SHISA9: variants seen among roughly 807,000 people sequenced by gnomAD.
The protein encoded by SHISA9 is protein shisa-9.
Under a neutral mutation model 38.0 loss-of-function variants are expected in SHISA9, and 13 were observed. That is an observed-to-expected ratio of 0.34 (90% CI 0.22 to 0.54). The LOEUF (loss-of-function observed/expected upper bound fraction) is 0.54, where lower values mean the gene tolerates loss of function less well. Ranked by LOEUF, SHISA9 falls within the 20% of genes least tolerant of loss-of-function variation. The pLI, the probability that SHISA9 is intolerant of heterozygous loss-of-function variation, is 0.91. For missense variants in SHISA9, 538 were observed against 575.8 expected (o/e 0.93, Z 0.67); for synonymous variants, 275 against 242.0 (o/e 1.14, Z -1.27).
chr16:13,400,215 C>G, the SHISA9 span, among the ~76,000 whole-genome samples: 1 of 152,108 alleles, frequency 6.6e-6, no homozygotes, highest in African/African-American at 2.4e-5. Context: ...TCTTGCCTCT[C>G]CGGTAGAACC....
At chr16:13,304,374 C>A in the SHISA9 span, among the ~76,000 whole-genome samples, 1 of 152,226 alleles carries the variant, frequency 6.6e-6, no homozygotes, top group Non-Finnish European at 1.5e-5. Flanking sequence ...AACCTCCCAC[C>A]TCAGCCTCCC....
At chr16:13,267,554 G>A in the SHISA9 span, among the ~76,000 whole-genome samples, 33,313 of 152,086 alleles carry the variant, frequency 0.22, 3,715 homozygotes, top group Middle Eastern at 0.25. Context: ...GACAGCAATC[G>A]TAAATGCAGC....
At chr16:13,550,099 G>C in the SHISA9 span, among the ~76,000 whole-genome samples, 1 of 152,000 alleles carries the variant, frequency 6.6e-6, no homozygotes, top group Non-Finnish European at 1.5e-5. Flanking sequence ...GGAAGATCTA[G>C]AATATTTCAG....
the SHISA9 span, among the ~76,000 whole-genome samples, chr16:13,359,575 G>A: frequency 3.9e-5 from 6 of 152,170 alleles, no homozygotes; most frequent in African/African-American, 1.4e-4. Flanking sequence ...AGTTGTGTAA[G>A]TTTAGAATTC....
chr16:13,287,908 G>T, the SHISA9 span, among the ~76,000 whole-genome samples: 1 of 152,094 alleles, frequency 6.6e-6, no homozygotes, highest in African/African-American at 2.4e-5. Flanking sequence ...TAAGGGAGAA[G>T]GATGCATTCT....
At chr16:13,317,381 A>T in the SHISA9 span, among the ~76,000 whole-genome samples, 1 of 152,264 alleles carries the variant, frequency 6.6e-6, no homozygotes, top group African/African-American at 2.4e-5. Flanking sequence ...GTGTAAACTC[A>T]GCAGGGAGTT....
At chr16:13,093,371 T>A (rs888777716) in intron 2 of SHISA9, among the ~76,000 whole-genome samples, 2 of 152,210 alleles carry the variant, frequency 1.3e-5, no homozygotes, top group African/African-American at 4.8e-5. Flanking sequence ...AGTTTGTTCA[T>A]CTATAAAGTG....
chr16:13,204,134 T>TTTATC (rs369950993), intron 3 of SHISA9, among the ~76,000 whole-genome samples: 77 of 149,342 alleles, frequency 5.2e-4, no homozygotes, highest in Non-Finnish European at 7.7e-4. Context: ...TAACTACCTA[T>TTTATC]TATCTATCTA....
chr16:13,013,016 C>T (rs1181566144), intron 2 of SHISA9, among the ~76,000 whole-genome samples: 1 of 152,176 alleles, frequency 6.6e-6, no homozygotes, highest in Non-Finnish European at 1.5e-5. Flanking sequence ...GGACCTGCCT[C>T]TCCTGCTGCC....
At chr16:13,474,368 T>C in the SHISA9 span, 1 of 152,328 alleles carries the variant, frequency 6.6e-6, no homozygotes, top group South Asian at 2.1e-4. Flanking sequence ...TAATGCAAAG[T>C]AATATACGAT....
At chr16:13,309,051 G>A in the SHISA9 span, among the ~76,000 whole-genome samples, 1 of 152,122 alleles carries the variant, frequency 6.6e-6, no homozygotes, top group Non-Finnish European at 1.5e-5. Flanking sequence ...TTTTTTTCCA[G>A]TATAGGAAGA....
At chr16:13,501,688 A>G in the SHISA9 span, among the ~76,000 whole-genome samples, 5 of 152,224 alleles carry the variant, frequency 3.3e-5, no homozygotes, top group Non-Finnish European at 5.9e-5. Context: ...TGCCCGGCAC[A>G]TAAAAGAGGC....
chr16:13,485,199 AC>A, the SHISA9 span, among the ~76,000 whole-genome samples: 1 of 147,962 alleles, frequency 6.8e-6, no homozygotes, highest in Non-Finnish European at 1.5e-5. Flanking sequence ...CTTGCCCCGC[AC>A]CCCCCGACAG....
chr16:13,006,572 A>G (rs180752294), intron 2 of SHISA9, among the ~76,000 whole-genome samples: 4 of 152,316 alleles, frequency 2.6e-5, no homozygotes, highest in East Asian at 3.9e-4. Context: ...TCATTATTGT[A>G]TTGCCAGAAT....
At chr16:13,020,933 T>TCCCGG (rs2072844950) in intron 2 of SHISA9, among the ~76,000 whole-genome samples, 1 of 152,236 alleles carries the variant, frequency 6.6e-6, no homozygotes, top group South Asian at 2.1e-4. Flanking sequence ...TGTGACCACA[T>TCCCGG]AATATCTCCC....
At chr16:12,908,261 T>C (rs2071130521) in intron 1 of SHISA9, among the ~76,000 whole-genome samples, 1 of 152,206 alleles carries the variant, frequency 6.6e-6, no homozygotes, top group Admixed American at 6.5e-5. Flanking sequence ...CTGTGTGACA[T>C]TGACCAAGTC....
At chr16:13,436,441 C>T in the SHISA9 span, among the ~76,000 whole-genome samples, 1 of 152,162 alleles carries the variant, frequency 6.6e-6, no homozygotes, top group Non-Finnish European at 1.5e-5. Context: ...AAGAGGAACC[C>T]TCAATTCCAG....
At chr16:13,217,660 G>A (rs978274895) in intron 4 of SHISA9, among the ~76,000 whole-genome samples, 1 of 152,312 alleles carries the variant, frequency 6.6e-6, no homozygotes, top group East Asian at 1.9e-4. Context: ...AAAGAGGCCA[G>A]TACTCACAAA....
chr16:12,987,819 G>T (rs577207601), intron 2 of SHISA9, among the ~76,000 whole-genome samples: 2 of 152,298 alleles, frequency 1.3e-5, no homozygotes, highest in South Asian at 4.1e-4. Context: ...TACCAGGCAC[G>T]ATGCTAAACA....
Sources: gnomAD v4.1 joint callset for allele counts (sites outside exome capture counted in the v4.1 genomes callset) on GRCh38, gnomAD v4.1.1 for gene constraint, MANE v1.5 for transcripts, NCBI Gene and HGNC (gene_info 2026-07-23, HGNC 2026-07-21) for gene names.